TSGA10: variants seen among roughly 807,000 people sequenced by gnomAD.
The protein encoded by TSGA10 is testis-specific gene 10 protein.
In TSGA10, 43 loss-of-function variants were observed where a neutral mutation model predicts 96.6. The ratio of observed to expected loss-of-function variants is 0.44; its 90% confidence interval spans 0.35 to 0.57. The LOEUF (loss-of-function observed/expected upper bound fraction) is 0.57, where lower values mean the gene tolerates loss of function less well. TSGA10 is among the 20% of genes least tolerant of loss of function. The pLI is 0.01. For synonymous variants in TSGA10, 229 were observed against 269.9 expected, an observed-to-expected ratio of 0.85 and a Z score of 1.48; for missense variants, 703 against 834.4, an observed-to-expected ratio of 0.84 and a Z score of 1.94.
At chr2:99,121,153 T>C (rs2092550520) in intron 2 of TSGA10, among the ~76,000 whole-genome samples, 1 of 152,146 alleles carries the variant, frequency 6.6e-6, no homozygotes, top group Non-Finnish European at 1.5e-5. Context: ...TGAGTAGATA[T>C]AAGTTTTCCT....
rs2087462149 is a variant in TSGA10, at chr2:99,081,304, A to C, written c.705T>G (p.Ile235Met). ...CACCAATTTTTTCATCCAAGCACAT[A>C]ATTTTCTCCTGAGTAAGCTGTAGCT... ...KYELQLTQEK[I>M]MCLDEKIDNF... Residue 235 changes from isoleucine (I) to methionine (M), a missense_variant, in exon 11 of 21, where the codon ATT (isoleucine) becomes ATG (methionine). Ile to Met is a conservative substitution (Grantham distance 10). Transcript: ENST00000393483. The C allele has an allele frequency of 4.5e-6, 7 of 1,572,802 alleles. No homozygotes were observed. In the East Asian group the frequency reaches 1.6e-4, roughly 36 times the overall value.
chr2:98,999,868 C>A (rs915777779), intron 20 of TSGA10, among the ~76,000 whole-genome samples: 1 of 152,174 alleles, frequency 6.6e-6, no homozygotes, highest in Non-Finnish European at 1.5e-5. Context: ...CTCACCTCAG[C>A]CTACCAAGTA....
At chr2:99,044,005 T>C (rs2082474271) in intron 16 of TSGA10, among the ~76,000 whole-genome samples, 1 of 152,194 alleles carries the variant, frequency 6.6e-6, no homozygotes, top group Admixed American at 6.5e-5. Context: ...CCACCAGGCC[T>C]GCCTTACAAG....
intron 17 of TSGA10, among the ~76,000 whole-genome samples, chr2:99,030,561 G>T (rs1301052114): frequency 6.6e-6 from 1 of 150,826 alleles, no homozygotes; most frequent in Admixed American, 6.6e-5. Flanking sequence ...TGAGGTGAAA[G>T]AATTACTTGA....
chr2:99,140,701 A>AATGAGCCTCTAGAATGAGCCCAAGTCTAG (rs1305319063), intron 1 of TSGA10, among the ~76,000 whole-genome samples: 2 of 152,170 alleles, frequency 1.3e-5, no homozygotes, highest in African/African-American at 4.8e-5. Flanking sequence ...AGAGGCTCAG[A>AATGAGCCTCTAGAATGAGCCCAAGTCTAG]AATGAGCGAT....
At chr2:99,039,668 ATGAATTCACAGC>A (rs1433263102) in intron 16 of TSGA10, among the ~76,000 whole-genome samples, 1 of 152,138 alleles carries the variant, frequency 6.6e-6, no homozygotes, top group Non-Finnish European at 1.5e-5. Flanking sequence ...CCAGGACCAG[ATGAATTCACAGC>A]TGAATTCTGT....
At chr2:99,025,483 G>A (rs935045906) in intron 17 of TSGA10, among the ~76,000 whole-genome samples, 1 of 151,948 alleles carries the variant, frequency 6.6e-6, no homozygotes, top group African/African-American at 2.4e-5. Context: ...TCTTATTCCC[G>A]ATTTTAGTAA....
chr2:99,061,381 G>A (rs1255746886), intron 16 of TSGA10, among the ~76,000 whole-genome samples: 1 of 152,152 alleles, frequency 6.6e-6, no homozygotes, highest in African/African-American at 2.4e-5. Flanking sequence ...AAGATTTAGA[G>A]CAACTATCAC....
chr2:99,099,671 AT>A (rs1408324999), intron 10 of TSGA10, among the ~76,000 whole-genome samples: 1 of 152,208 alleles, frequency 6.6e-6, no homozygotes, highest in African/African-American at 2.4e-5. Flanking sequence ...TTACATAGTT[AT>A]CAAAGAACCT....
At chr2:99,068,541 T>C (rs2085533383) in intron 15 of TSGA10, among the ~76,000 whole-genome samples, 2 of 152,184 alleles carry the variant, frequency 1.3e-5, no homozygotes, top group Admixed American at 1.3e-4. Flanking sequence ...AATTCTGATC[T>C]GCTACATAAT....
intron 4 of TSGA10, among the ~76,000 whole-genome samples, chr2:99,113,300 A>G (rs1196112067): frequency 2.0e-5 from 3 of 152,174 alleles, no homozygotes; most frequent in African/African-American, 4.8e-5. Flanking sequence ...GTGATGAGAT[A>G]TAACTTTTGA....
chr2:99,113,265 T>C lies in TSGA10; in HGVS notation c.-139-2350A>G, dbSNP rs569615739. 3.3e-5 allele frequency among the ~76,000 whole-genome samples: 5 copies of C among 152,274 alleles called. No homozygotes were observed. The South Asian group carries it at 1.0e-3, about 32-fold the overall frequency. ...GTGTGGGTTATACTTAGTGACTCAC[T>C]TTTAAAGATTAGAATATGGAGGAAG... On this transcript the variant is annotated intron_variant, in intron 4 of 20. Transcript: ENST00000393483.
chr2:99,136,651 T>C (rs564397866), intron 1 of TSGA10, among the ~76,000 whole-genome samples: 857 of 68,926 alleles, frequency 0.012, 303 homozygotes, highest in Non-Finnish European at 0.026. Flanking sequence ...CAAAAAAAAT[T>C]AGCCGGGCGT....
rs901469323 is a variant in TSGA10, at chr2:99,022,339, A to C, written c.1615-1857T>G. Among the ~76,000 whole-genome samples the C allele has an allele frequency of 1.0e-4, 15 of 150,742 alleles. No individual in the cohort carries two copies. In the East Asian group the frequency reaches 1.8e-3, roughly 18 times the overall value. On this transcript the variant is annotated intron_variant, in intron 17 of 20. Coordinates refer to ENST00000393483, the MANE Select transcript of TSGA10 (RefSeq NM_025244.4). ...GACCCTGTCTCAAAAAAAAAAAAAA[A>C]AAAAAAAAAAAAACACCCAACACAG... is the stretch of plus-strand genomic sequence containing the variant.
At position 99,089,383 on chromosome 2, in the gene TSGA10, A is replaced by T. The variant is rs773994848; in HGVS notation, c.612-7986T>A. On this transcript the variant is annotated intron_variant, in intron 10 of 20. Transcript: ENST00000393483. ...CTGAATTTTGTAACAATTCCAACCA[A>T]ATGTGAACTTTCTTGGACAGAACTC... Among the ~76,000 whole-genome samples, 85 of 152,112 alleles carry T rather than the reference A, an allele frequency of 5.6e-4. 2 individuals carry two copies. The highest frequency in any genetic ancestry group is 1.5e-4 in the Non-Finnish European group (10 of 67,990).
At chr2:99,153,975 A>T (rs913919942) in intron 1 of TSGA10, among the ~76,000 whole-genome samples, 1 of 152,216 alleles carries the variant, frequency 6.6e-6, no homozygotes, top group African/African-American at 2.4e-5. Context: ...GGCTTCTTTC[A>T]TCAAGAGGTG....
At position 99,109,265 on chromosome 2, in the gene TSGA10, AC is replaced by A. The variant is rs1370033766; in HGVS notation, c.51+123del. ...CCATCAAAGAGACCTCTGTCTCTCA[AC>A]CCCTTTGAAACAGCAATTCACAGCA... On this transcript the variant is annotated intron_variant, in intron 6 of 20. Transcript: ENST00000393483. 1.2e-5 allele frequency: 13 copies of A among 1,052,780 alleles called. No homozygotes were observed. In the African/African-American group the frequency reaches 2.1e-4, roughly 17 times the overall value. The allele number at this position is 1,052,780 out of a possible 1,614,324, so 65.2% of individuals were successfully genotyped here.
intron 17 of TSGA10, among the ~76,000 whole-genome samples, chr2:99,031,001 T>G (rs1418923111): frequency 6.6e-6 from 1 of 151,514 alleles, no homozygotes; most frequent in Non-Finnish European, 1.5e-5. Flanking sequence ...ATTCTAAAAT[T>G]TATGTGAAAA....
chr2:99,102,169 G>A (rs566490807), intron 10 of TSGA10: 78 of 1,542,502 alleles, frequency 5.1e-5, no homozygotes, highest in African/African-American at 1.5e-4. Flanking sequence ...CTTGAACTTC[G>A]GAAATATGAA....
Sources: gnomAD v4.1 joint callset for allele counts (sites outside exome capture counted in the v4.1 genomes callset) on GRCh38, gnomAD v4.1.1 for gene constraint, MANE v1.5 for transcripts, NCBI Gene and HGNC (gene_info 2026-07-23, HGNC 2026-07-21) for gene names.